The following CECR2 variants were observed in gnomAD, a reference collection of about 807,000 sequenced individuals.
CECR2 encodes the protein CECR2 histone acetyl-lysine reader.
Under a neutral mutation model 154.5 loss-of-function variants are expected in CECR2, and 30 were observed. The ratio of observed to expected loss-of-function variants is 0.19; its 90% CI spans 0.15 to 0.26. The LOEUF (loss-of-function observed/expected upper bound fraction) is 0.26. Ranked by LOEUF, CECR2 falls within the 10% of genes least tolerant of loss-of-function variation. The pLI is 1.00. For synonymous variants in CECR2, 725 were observed against 683.7 expected, an observed-to-expected ratio of 1.06 and a Z score of -0.94; for missense variants, 1,743 against 1,829.3, an observed-to-expected ratio of 0.95 and a Z score of 0.86.
chr22:17,491,587 G>GGA (rs1211004772), intron 2 of CECR2, among the ~76,000 whole-genome samples: 2 of 120,334 alleles, frequency 1.7e-5, no homozygotes, highest in Non-Finnish European at 3.5e-5. Flanking sequence ...GTGTGTGGGG[G>GGA]GGTGGGTGTT....
At chr22:17,464,563 G>C (rs2522286) in intron 1 of CECR2, among the ~76,000 whole-genome samples, 18,755 of 152,140 alleles carry the variant, frequency 0.12, 1,570 homozygotes, top group African/African-American at 0.24. Flanking sequence ...ACAGCGGCAT[G>C]CTCATAGCTC....
In CECR2 at chr22:17,538,394, T is replaced by C. The variant is rs2056469631; in HGVS notation, c.1239-126T>C. On this transcript the variant is annotated intron_variant, in intron 10 of 18. Coordinates refer to ENST00000262608, the MANE Select transcript of CECR2 (RefSeq NM_001290047.2). ...GAGTGTTATCAGTGTCACAGGCTCA[T>C]CTAAACCACACTATTAGGACTATTC... 5 of 850,770 alleles carry C rather than the reference T, an allele frequency of 5.9e-6. No individual in the cohort carries two copies. The East Asian group carries it at 1.2e-4, about 20-fold the overall frequency. The allele number at this position is 850,770 out of a possible 1,614,324, so 52.7% of individuals were successfully genotyped here.
At chr22:17,399,077 G>A (rs557880423) in intron 1 of CECR2, among the ~76,000 whole-genome samples, 120 of 152,310 alleles carry the variant, frequency 7.9e-4, no homozygotes, top group Non-Finnish European at 1.3e-3. Flanking sequence ...GTTCCCAGGT[G>A]ATTATTATGC....
Position 17,507,566 on chromosome 22 carries a change from A to G in CECR2, c.870+2550A>G, listed in dbSNP as rs530753384. Among the ~76,000 whole-genome samples, 7 of 152,246 alleles carry G rather than the reference A, an allele frequency of 4.6e-5. No individual in the cohort carries two copies. In the South Asian group the frequency reaches 8.3e-4, roughly 18 times the overall value. On this transcript the variant is annotated intron_variant, in intron 7 of 18. Transcript: ENST00000262608. Reference sequence around the variant, plus strand: ...TTATCATTTCTGCTTTTTTACTGCTATATTCAGCCTAACATTTTGGGGGAT... The same window carrying G: ...TTATCATTTCTGCTTTTTTACTGCTGTATTCAGCCTAACATTTTGGGGGAT...
At position 17,542,254 on chromosome 22, in the gene CECR2, C is replaced by G; in HGVS notation, c.2111C>G (p.Pro704Arg). The change falls in exon 16 of 19, where the codon CCA becomes CGA. Residue 704 changes from proline (P) to arginine (R), a missense_variant. By Grantham distance (103) the Pro-to-Arg change is moderately radical. Transcript: ENST00000262608. Reference sequence around the variant, plus strand: ...CTGACACACCTTTCTAACATGGGCCCACACCCTGGATCCTTGCAGCTTGGG... The same window carrying G: ...CTGACACACCTTTCTAACATGGGCCGACACCCTGGATCCTTGCAGCTTGGG... Reference protein sequence around the residue: ...GGLTHLSNMGPHPGSLQLGQI... With the variant: ...GGLTHLSNMGRHPGSLQLGQI... 1 of 1,610,998 alleles carries G rather than the reference C, an allele frequency of 6.2e-7. No homozygotes were observed. Among genetic ancestry groups the G allele is most frequent in the Non-Finnish European group, 8.5e-7 (1 of 1,178,568 alleles).
intron 1 of CECR2, among the ~76,000 whole-genome samples, chr22:17,442,002 C>G (rs928051641): frequency 3.9e-5 from 6 of 152,150 alleles, no homozygotes; most frequent in African/African-American, 1.4e-4. Flanking sequence ...GGGTGGCAGA[C>G]CTGTTGACTT....
intron 1 of CECR2, among the ~76,000 whole-genome samples, chr22:17,405,774 G>C (rs1004240449): frequency 6.6e-6 from 1 of 151,984 alleles, no homozygotes; most frequent in African/African-American, 2.4e-5. Context: ...GATTCCATTG[G>C]ATTTTCTGCA....
In CECR2 at chr22:17,548,618, G is replaced by A. The variant is rs1196861126; in HGVS notation, c.3331G>A (p.Gly1111Ser). The A allele has an allele frequency of 1.2e-6, 2 of 1,613,206 alleles. No homozygotes were observed. The highest frequency in any genetic ancestry group is 3.3e-5 in the Admixed American group (2 of 59,846). ...PPSTDPGLTGGTVSQFPPLYM... is the reference protein window; with the variant it reads ...PPSTDPGLTGSTVSQFPPLYM... ...CAGCACAGACCCCGGTTTGACGGGA[G>A]GCACTGTGAGCCAGTTTCCCCCGCT... The change falls in exon 17 of 19, where the codon GGC (glycine) becomes AGC (serine). Residue 1111 changes from glycine to serine, a missense_variant. Transcript: ENST00000262608.
intron 1 of CECR2, among the ~76,000 whole-genome samples, chr22:17,458,049 G>A (rs1025038286): frequency 6.6e-6 from 1 of 152,144 alleles, no homozygotes; most frequent in Non-Finnish European, 1.5e-5. Context: ...TAACACAAGG[G>A]AGCCCTGTGG....
At chr22:17,376,951 A>G (rs1342609599) in intron 1 of CECR2, among the ~76,000 whole-genome samples, 1 of 152,140 alleles carries the variant, frequency 6.6e-6, no homozygotes, top group African/African-American at 2.4e-5. Flanking sequence ...ACACATTTTC[A>G]AAAGGCAGCA....
chr22:17,441,581 T>G (rs920796127), intron 1 of CECR2, among the ~76,000 whole-genome samples: 1 of 148,820 alleles, frequency 6.7e-6, no homozygotes, highest in Non-Finnish European at 1.5e-5. Context: ...ATGCTTTCCC[T>G]GTGTCTTACT....
chr22:17,500,414 TGTTA>T (rs2055716029), intron 4 of CECR2, among the ~76,000 whole-genome samples: 2 of 152,090 alleles, frequency 1.3e-5, no homozygotes, highest in South Asian at 4.1e-4. Flanking sequence ...CTTCGGAAGG[TGTTA>T]GTTAGATCTT....
Position 17,515,769 on chromosome 22 carries a change from A to G in CECR2, c.954+3873A>G, listed in dbSNP as rs572578150. 5.4e-3 allele frequency among the ~76,000 whole-genome samples: 813 copies of G among 149,824 alleles called. 8 individuals are homozygous for G. The highest frequency in any genetic ancestry group is 0.019 in the African/African-American group (786 of 40,608). ...GGGCTCACTGCAAGCTCCACCTCCC[A>G]GGTTCAAGCCATTCTCCTGCCTCAG... On this transcript the variant is annotated intron_variant, in intron 8 of 18. Coordinates refer to ENST00000262608, the MANE Select transcript of CECR2 (RefSeq NM_001290047.2).
At chr22:17,550,914 C>T (rs1164445519) in intron 17 of CECR2, among the ~76,000 whole-genome samples, 1 of 152,072 alleles carries the variant, frequency 6.6e-6, no homozygotes, top group Admixed American at 6.6e-5. Context: ...TGCACTCCAG[C>T]CTGGGCAACA....
intron 1 of CECR2, among the ~76,000 whole-genome samples, chr22:17,463,522 A>G (rs1030031287): frequency 6.6e-6 from 1 of 152,104 alleles, no homozygotes; most frequent in African/African-American, 2.4e-5. Flanking sequence ...GGATTTGTTA[A>G]TTGACTAGAT....
intron 1 of CECR2, among the ~76,000 whole-genome samples, chr22:17,376,161 A>C (rs531967089): frequency 6.6e-6 from 1 of 152,254 alleles, no homozygotes; most frequent in East Asian, 1.9e-4. Context: ...GTAACTCTTT[A>C]AAAGTGAATA....
intron 1 of CECR2, among the ~76,000 whole-genome samples, chr22:17,380,366 C>T (rs1476705667): frequency 1.3e-5 from 2 of 152,188 alleles, no homozygotes; most frequent in Non-Finnish European, 2.9e-5. Context: ...ATTTCATTCT[C>T]CTTTTTAAAG....
At chr22:17,361,089 C>A (rs922326945) in intron 1 of CECR2, among the ~76,000 whole-genome samples, 1 of 151,812 alleles carries the variant, frequency 6.6e-6, no homozygotes, top group Non-Finnish European at 1.5e-5. Context: ...CTTGAGCCCA[C>A]GAGGTGGAGG....
intron 1 of CECR2, among the ~76,000 whole-genome samples, chr22:17,436,120 A>G (rs2054503135): frequency 1.3e-5 from 2 of 152,010 alleles, no homozygotes; most frequent in African/African-American, 4.8e-5. Context: ...CACCACGCTC[A>G]GTTAATTTTT....
Sources: gnomAD v4.1 joint callset for allele counts (sites outside exome capture counted in the v4.1 genomes callset) on GRCh38, gnomAD v4.1.1 for gene constraint, MANE v1.5 for transcripts, NCBI Gene and HGNC (gene_info 2026-07-23, HGNC 2026-07-21) for gene names.